PHRF1: variants seen among roughly 807,000 people sequenced by gnomAD.
The protein encoded by PHRF1 is PHD and RING finger domain-containing protein 1.
In PHRF1, 53 loss-of-function variants were observed where a neutral mutation model predicts 128.9. The observed-to-expected ratio is 0.41, with a 90% CI of 0.33 to 0.52. PHRF1 has a LOEUF of 0.52. PHRF1 is among the 20% of genes least tolerant of loss of function. PHRF1 has a pLI of 0.21. For missense variants in PHRF1, 2,503 were observed against 2,284.5 expected, an observed-to-expected ratio of 1.10 and a Z score of -1.95; for synonymous variants, 1,178 against 980.6, an observed-to-expected ratio of 1.20 and a Z score of -3.76.
intron 3 of PHRF1, among the ~76,000 whole-genome samples, chr11:583,196 A>C (rs561175948): frequency 6.2e-5 from 9 of 145,168 alleles, no homozygotes; most frequent in African/African-American, 2.3e-4. Context: ...AAAATTAGCC[A>C]GTCGTGTTGG....
In PHRF1 at chr11:585,659, TGAGGTAGTAGCTC is replaced by T. The variant is rs1411964374; in HGVS notation, c.215-1599_215-1587del. On this transcript the variant is annotated intron_variant, in intron 3 of 17. Coordinates refer to ENST00000264555, the MANE Select transcript of PHRF1 (RefSeq NM_001286581.2). Reference sequence around the variant, plus strand: ...CTTGAGGTAGTAGCCCTTTCCAGCTTGAGGTAGTAGCTCTTCAACTCTTTTTTTTTTTTTTTTT... The same window carrying T: ...CTTGAGGTAGTAGCCCTTTCCAGCTTTTCAACTCTTTTTTTTTTTTTTTTT... Among the ~76,000 whole-genome samples the T allele has an allele frequency of 5.7e-4, 82 of 144,458 alleles. 21 individuals are homozygous for T. The highest frequency in any genetic ancestry group is 7.9e-4 in the Admixed American group (11 of 13,984). The allele number at this position is 144,458 out of a possible 152,430, so 94.8% of individuals were successfully genotyped here.
At position 605,159 on chromosome 11, in the gene PHRF1, G is replaced by A; in HGVS notation, c.1193G>A (p.Gly398Asp). The change falls in exon 11 of 18, where the codon GGC (glycine) becomes GAC (aspartate). Residue 398 changes from glycine to aspartate, a missense_variant. Gly to Asp is a moderately conservative substitution (Grantham distance 94). Coordinates refer to ENST00000264555, the MANE Select transcript of PHRF1 (RefSeq NM_001286581.2). The part of the protein sequence containing the change: ...TTRSRIARTL[G>D]LRRPVHSSCI... ...CGCTCTCGAATCGCGCGGACGCTGG[G>A]CCTGCGCAGGCCTGTTCACAGCAGC... The A allele has an allele frequency of 1.2e-6, 2 of 1,613,326 alleles. No homozygotes were observed. Among genetic ancestry groups the A allele is most frequent in the Non-Finnish European group, 1.7e-6 (2 of 1,179,674 alleles).
At chr11:580,935 T>A (rs1230379559) in intron 1 of PHRF1, among the ~76,000 whole-genome samples, 1 of 150,968 alleles carries the variant, frequency 6.6e-6, no homozygotes. Context: ...GTGATCCGCC[T>A]GCCTCGGCCT....
rs1856100728 is a variant in PHRF1 at position 608,429 on chromosome 11, C to G, written c.2973C>G (p.Ser991=). The change falls in exon 14 of 18, where the codon TCC becomes TCG. Residue 991 remains serine (S), a synonymous_variant. Transcript: ENST00000264555. ...GAGTCGTGGAGCTCAGGCCCCCTTCCCGGTCCCGCTCCACATCCAGCTCCC... is the reference window on the plus strand; with the variant it reads ...GAGTCGTGGAGCTCAGGCCCCCTTCGCGGTCCCGCTCCACATCCAGCTCCC... The part of the protein sequence containing the change: ...THRVVELRPP[S]RSRSTSSSRS... The G allele has an allele frequency of 6.2e-7, 1 of 1,611,850 alleles. No individual in the cohort carries two copies. The highest frequency in any genetic ancestry group is 1.3e-5 in the African/African-American group (1 of 74,930).
rs1855224234 is a variant in PHRF1 at position 595,454 on chromosome 11, A to C, written c.621-1469A>C. 2.6e-5 allele frequency among the ~76,000 whole-genome samples: 4 copies of C among 152,326 alleles called. No individual in the cohort carries two copies. In the South Asian group the frequency reaches 8.3e-4, roughly 32 times the overall value. ...GTGCAGGGGCTCACTGAGGCCTGTT[A>C]GGTGTGGCCCTCCCCTCCCTGGGCA... On this transcript the variant is annotated intron_variant, in intron 6 of 17. Transcript: ENST00000264555.
At chr11:592,460 A>G in intron 5 of PHRF1, 99 bp from the exon 6 acceptor site, 10 of 1,198,778 alleles carry the variant, frequency 8.3e-6, no homozygotes, top group Non-Finnish European at 1.1e-5. Flanking sequence ...ATATGAATCT[A>G]AGGCAATGGG....
intron 4 of PHRF1, among the ~76,000 whole-genome samples, chr11:587,745 T>C (rs918928318): frequency 6.6e-6 from 1 of 152,130 alleles, no homozygotes; most frequent in African/African-American, 2.4e-5. Flanking sequence ...CTGGTTGACA[T>C]AGGGGCCATC....
intron 4 of PHRF1, 129 bp downstream of exon 4, chr11:587,593 G>A (rs1054422848): frequency 4.3e-6 from 4 of 927,030 alleles, no homozygotes; most frequent in Non-Finnish European, 6.6e-6. Flanking sequence ...GGGGCCACAG[G>A]ATTGAGTCTG....
rs371292036 is a variant in PHRF1, at chr11:581,547, G to A, written c.35G>A (p.Arg12Gln). The A allele has an allele frequency of 8.8e-5, 142 of 1,613,424 alleles. No homozygotes were observed. Among genetic ancestry groups the A allele is most frequent in the Non-Finnish European group, 1.2e-4 (136 of 1,179,880 alleles). ...GACAGCCTGGATGAGCTTGTGGCCC[G>A]GAGCCCAGGGCCGGATGGACACCCA... Reference protein sequence around the residue: ...DDDSLDELVARSPGPDGHPQV... With the variant: ...DDDSLDELVAQSPGPDGHPQV... Residue 12 changes from arginine (R) to glutamine (Q), a missense_variant, in exon 2 of 18, where the codon CGG (arginine) becomes CAG (glutamine). Physicochemically the swap from Arg to Gln is conservative, Grantham distance 43 (BLOSUM62 1). Coordinates refer to ENST00000264555, the MANE Select transcript of PHRF1 (RefSeq NM_001286581.2).
Position 588,689 on chromosome 11 carries a change from T to C in PHRF1, c.420+1225T>C, listed in dbSNP as rs1465427171. On this transcript the variant is annotated intron_variant, in intron 4 of 17. Transcript: ENST00000264555. ...CCACCACGCCCGGCCATTTTTATTT[T>C]TATTTTTTTTTGTAGATTTTTCTTT... is the stretch of plus-strand genomic sequence containing the variant. Among the ~76,000 whole-genome samples the C allele has an allele frequency of 2.0e-5, 3 of 152,188 alleles. 1 individual carries two copies. Among genetic ancestry groups the C allele is most frequent in the Middle Eastern group, 3.2e-3 (1 of 316 alleles).
At chr11:592,813 G>A in intron 6 of PHRF1, 139 bp downstream of exon 6, 1 of 880,402 alleles carries the variant, frequency 1.1e-6, no homozygotes, top group Non-Finnish European at 1.8e-6. Context: ...CAGCAGCGCG[G>A]TTCAGTCCTG....
intron 13 of PHRF1, chr11:606,800 T>C: frequency 1.1e-6 from 1 of 903,732 alleles, no homozygotes. Flanking sequence ...CAGCTTCATG[T>C]TCATAAGAAC....
At chr11:601,796 C>T in intron 10 of PHRF1, 95 bp downstream of exon 10, 1 of 1,497,614 alleles carries the variant, frequency 6.7e-7, no homozygotes, top group Non-Finnish European at 9.1e-7. Flanking sequence ...GGCCTTGGCA[C>T]CCTCGCGCGG....
At chr11:585,580 C>CTTCAACTCTTTTTTT (rs1564841172) in intron 3 of PHRF1, among the ~76,000 whole-genome samples, 2 of 121,790 alleles carry the variant, frequency 1.6e-5, no homozygotes, top group African/African-American at 7.0e-5. Context: ...GGTAGTAGCC[C>CTTCAACTCTTTTTTT]TTTCCAGCTT....
Position 607,694 on chromosome 11 carries a change from C to T in PHRF1, c.2238C>T (p.Gly746=). 1.2e-6 allele frequency: 2 copies of T among 1,610,192 alleles called. No homozygotes were observed. Among genetic ancestry groups the T allele is most frequent in the Non-Finnish European group, 1.7e-6 (2 of 1,178,252 alleles). The change falls in exon 14 of 18, where the codon GGC becomes GGT. Residue 746 remains glycine (G), a synonymous_variant. Transcript: ENST00000264555. The stretch of plus-strand genomic sequence containing the variant: ...CCCGGGAGCCCGGGGTGCACACGGG[C>T]AGCTCCCGGCCCCCAGCCCCCAGCT... ...RVPREPGVHT[G]SSRPPAPSSH... is the part of the protein sequence containing the mutation.
intron 6 of PHRF1, among the ~76,000 whole-genome samples, chr11:595,691 G>T (rs1484160040): frequency 2.0e-5 from 3 of 152,242 alleles, no homozygotes; most frequent in Admixed American, 6.5e-5. Context: ...GGCGCAGAGG[G>T]GCCTTCTGCT....
In PHRF1 at chr11:609,597, G is replaced by A. The variant is rs1205270051; in HGVS notation, c.4141G>A (p.Ala1381Thr). 2 of 1,594,298 alleles carry A rather than the reference G, an allele frequency of 1.3e-6. No homozygotes were observed. Among genetic ancestry groups the A allele is most frequent in the South Asian group, 2.3e-5 (2 of 88,182 alleles). ...SPSASGRVQE[A>T]ARPEEVVSQT... ...CTCTGCGAGTGGGAGGGTACAGGAGGCAGCCCGGCCTGAGGAGGTGGTTTC... is the reference window on the plus strand; with the variant it reads ...CTCTGCGAGTGGGAGGGTACAGGAGACAGCCCGGCCTGAGGAGGTGGTTTC... Residue 1381 changes from alanine (A) to threonine (T), a missense_variant, in exon 14 of 18, where the codon GCA becomes ACA. Coordinates refer to ENST00000264555, the MANE Select transcript of PHRF1 (RefSeq NM_001286581.2).
intron 10 of PHRF1, among the ~76,000 whole-genome samples, chr11:604,401 T>G (rs1855823427): frequency 6.6e-6 from 1 of 152,268 alleles, no homozygotes; most frequent in Non-Finnish European, 1.5e-5. Flanking sequence ...CTGTCCGCTC[T>G]GCCTAGAATC....
intron 3 of PHRF1, among the ~76,000 whole-genome samples, chr11:582,349 C>T (rs954293294): frequency 2.7e-5 from 4 of 149,248 alleles, no homozygotes; most frequent in African/African-American, 5.0e-5. Context: ...ACTGCAACTT[C>T]TGCCTCCCGG....
Sources: allele counts gnomAD v4.1 joint callset (sites outside exome capture counted in the v4.1 genomes callset), GRCh38; gene constraint gnomAD v4.1.1; transcripts MANE v1.5; gene names NCBI Gene and HGNC (gene_info 2026-07-23, HGNC 2026-07-21).